Variants in EVC2 observed in about 807,000 individuals in gnomAD.
EVC2 encodes the protein limbin.
A neutral mutation model predicts 149.3 loss-of-function variants in EVC2; 148 were observed. The ratio of observed to expected loss-of-function variants is 0.99; its 90% CI spans 0.87 to 1.14. EVC2 has a LOEUF of 1.14. Ranked by LOEUF, EVC2 falls within the 50% of genes most tolerant of loss-of-function variation. The pLI is 0.00. For missense variants in EVC2, 1,854 were observed against 1,627.3 expected, an observed-to-expected ratio of 1.14 and a Z score of -2.40; for synonymous variants, 776 against 649.9, an observed-to-expected ratio of 1.19 and a Z score of -2.95.
intron 16 of EVC2, among the ~76,000 whole-genome samples, chr4:5,602,516 G>C (rs1261948756): frequency 6.6e-6 from 1 of 151,828 alleles, no homozygotes; most frequent in African/African-American, 2.4e-5. Context: ...ACTATGGTGG[G>C]GGATGAGGAA....
chr4:5,556,143 C>T (rs1577089890), intron 21 of EVC2, among the ~76,000 whole-genome samples: 1 of 130,192 alleles, frequency 7.7e-6, no homozygotes. Flanking sequence ...CGTGCCATTG[C>T]ACTCTAACCC....
At chr4:5,538,426 T>C (rs1721457950), downstream of EVC2, among the ~76,000 whole-genome samples, 1 of 152,180 alleles carries the variant, frequency 6.6e-6, no homozygotes, top group Non-Finnish European at 1.5e-5. Flanking sequence ...TCTCATACTC[T>C]TCCATAAAAG....
At chr4:5,544,214 G>C (rs1373953016) in intron 21 of EVC2, among the ~76,000 whole-genome samples, 2 of 151,180 alleles carry the variant, frequency 1.3e-5, no homozygotes, top group Admixed American at 1.3e-4. Flanking sequence ...TTTGCAAAAT[G>C]AATGTTGGCT....
chr4:5,698,005 C>G (rs1171606532), intron 1 of EVC2, among the ~76,000 whole-genome samples: 1 of 152,128 alleles, frequency 6.6e-6, no homozygotes, highest in Non-Finnish European at 1.5e-5. Flanking sequence ...CCTGCCTCAG[C>G]CTCCCAAAGC....
chr4:5,622,866 C>A lies in EVC2; in HGVS notation c.2172G>T (p.Leu724=), dbSNP rs546009991. The A allele has an allele frequency of 5.6e-6, 9 of 1,614,058 alleles. No homozygotes were observed. The highest frequency in any genetic ancestry group is 2.2e-5 in the East Asian group (1 of 44,876). The stretch of plus-strand genomic sequence containing the variant: ...GGGCGGCCTGGTCCAGACGCTCCTG[C>A]AGCTCCTCCAGGGTGGCACCGTGCT... ...MEEHGATLEE[L]QERLDQAALD... The change falls in exon 14 of 22, where the codon CTG becomes CTT. Residue 724 remains leucine, a synonymous_variant. Transcript: ENST00000344408. The surrounding 1 kb of genome is among the most constrained non-coding windows in gnomAD (Gnocchi z 5.8).
At chr4:5,610,465 T>A (rs1156639498) in intron 16 of EVC2, among the ~76,000 whole-genome samples, 5 of 152,222 alleles carry the variant, frequency 3.3e-5, no homozygotes, top group African/African-American at 1.2e-4. Flanking sequence ...GAGCAACAAC[T>A]GGCCAGTTCT....
At chr4:5,693,904 A>G (rs1721287735) in intron 3 of EVC2, among the ~76,000 whole-genome samples, 1 of 152,214 alleles carries the variant, frequency 6.6e-6, no homozygotes, top group Non-Finnish European at 1.5e-5. Context: ...ATGAGAATAA[A>G]AATATTACTG....
At chr4:5,671,507 C>CTTTA (rs1170292891) in intron 7 of EVC2, among the ~76,000 whole-genome samples, 5 of 152,106 alleles carry the variant, frequency 3.3e-5, no homozygotes, top group African/African-American at 1.2e-4. Flanking sequence ...TCAAACAATA[C>CTTTA]TTTATTTATT....
chr4:5,647,226 T>G (rs980448086), intron 9 of EVC2, among the ~76,000 whole-genome samples: 19 of 152,140 alleles, frequency 1.2e-4, no homozygotes, highest in Admixed American at 7.9e-4. Context: ...TCAAGCCTTC[T>G]GGGTAGATGA....
At chr4:5,608,083 T>C (rs1714540496) in intron 16 of EVC2, among the ~76,000 whole-genome samples, 2 of 152,108 alleles carry the variant, frequency 1.3e-5, no homozygotes, top group Admixed American at 6.5e-5. Context: ...TCGATGCTGG[T>C]GTGGCTGCGG....
At chr4:5,600,260 T>G (rs1713867421) in intron 16 of EVC2, among the ~76,000 whole-genome samples, 1 of 152,230 alleles carries the variant, frequency 6.6e-6, no homozygotes, top group African/African-American at 2.4e-5. Context: ...GCTGTCATCA[T>G]CATTACCACT....
intron 16 of EVC2, 125 bp downstream of exon 16, chr4:5,615,297 G>A (rs892390602): frequency 2.0e-6 from 3 of 1,490,508 alleles, no homozygotes; most frequent in Middle Eastern, 2.2e-4. Flanking sequence ...ACCTGAGTGA[G>A]TGAGCGGTTG....
chr4:5,648,176 T>C (rs910101764), intron 9 of EVC2, among the ~76,000 whole-genome samples: 3 of 152,188 alleles, frequency 2.0e-5, no homozygotes, highest in Non-Finnish European at 4.4e-5. Context: ...ACATCAGAAT[T>C]CTTCCCTTCT....
chr4:5,607,088 T>G (rs1714455123), intron 16 of EVC2, among the ~76,000 whole-genome samples: 1 of 152,190 alleles, frequency 6.6e-6, no homozygotes, highest in African/African-American at 2.4e-5. Context: ...AAACCTATAT[T>G]GTGTCTGGGA....
At chr4:5,548,974 T>C (rs3893554) in intron 21 of EVC2, among the ~76,000 whole-genome samples, 93 of 604 alleles carry the variant, frequency 0.15, no homozygotes, top group African/African-American at 0.21. Flanking sequence ...TCCTTCCTTC[T>C]TTCTTTCTTT....
chr4:5,638,969 G>C (rs1717104948), intron 10 of EVC2, among the ~76,000 whole-genome samples: 1 of 152,282 alleles, frequency 6.6e-6, no homozygotes, highest in African/African-American at 2.4e-5. Flanking sequence ...AATTTGTGGT[G>C]ATTTATTATG....
At chr4:5,595,658 A>C (rs961499064) in intron 16 of EVC2, among the ~76,000 whole-genome samples, 1 of 152,230 alleles carries the variant, frequency 6.6e-6, no homozygotes, top group Non-Finnish European at 1.5e-5. Flanking sequence ...AAACTGCATC[A>C]ACTAACGAGC....
Position 5,657,486 on chromosome 4 carries a change from TG to T in EVC2, c.1145+5620del, listed in dbSNP as rs368256114. On this transcript the variant is annotated intron_variant, in intron 9 of 21. Coordinates refer to ENST00000344408, the MANE Select transcript of EVC2 (RefSeq NM_147127.5). The surrounding 1 kb of genome is among the most constrained non-coding windows in gnomAD (Gnocchi z 4.7). ...GTAGCCTGAAGAGCCACATCACATC[TG>T]GAAACATGTTGTGTTGTCTTCTGGT... Among the ~76,000 whole-genome samples the T allele has an allele frequency of 1.5e-3, 229 of 152,164 alleles. No homozygotes were observed. The highest frequency in any genetic ancestry group is 5.3e-3 in the African/African-American group (219 of 41,534).
rs1374547369 is a variant in EVC2, at chr4:5,562,456, TA to T, written c.*391del. 5.6e-6 allele frequency: 6 copies of T among 1,067,830 alleles called. 1 individual carries two copies. Among genetic ancestry groups the T allele is most frequent in the South Asian group, 6.1e-5 (2 of 32,628 alleles). The allele number at this position is 1,067,830 out of a possible 1,614,324, so 66.1% of individuals were successfully genotyped here. A position where few individuals can be genotyped will look rare whatever the true frequency, so the allele number is the denominator to read the frequency against. ...TAAACAGCTTTGTGCAAAACACATT[TA>T]TTTTTTAAAATTCCCTTTATAAAAA... On this transcript the variant is annotated 3_prime_UTR_variant, in exon 22 of 22. Transcript: ENST00000344408. The surrounding 1 kb of genome is among the most constrained non-coding windows in gnomAD (Gnocchi z 4.3).
Sources: gnomAD v4.1 joint callset for allele counts (sites outside exome capture counted in the v4.1 genomes callset) on GRCh38, gnomAD v4.1.1 for gene constraint, Gnocchi (gnomAD v3.1) non-coding constraint, MANE v1.5 for transcripts, NCBI Gene and HGNC (gene_info 2026-07-23, HGNC 2026-07-21) for gene names.